The following FCHSD2 variants were observed in gnomAD, a reference collection of about 807,000 sequenced individuals.
The protein encoded by FCHSD2 is FCH and double SH3 domains 2.
Under a neutral mutation model 108.1 loss-of-function variants are expected in FCHSD2, and 38 were observed. The ratio of observed to expected loss-of-function variants is 0.35; its 90% CI spans 0.27 to 0.46. The LOEUF (loss-of-function observed/expected upper bound fraction) is 0.46. FCHSD2 is among the 20% of genes least tolerant of loss of function. The pLI, the probability that FCHSD2 is intolerant of heterozygous loss-of-function variation, is 1.00. For synonymous variants in FCHSD2, 279 were observed against 314.7 expected, an observed-to-expected ratio of 0.89 and a Z score of 1.20; for missense variants, 751 against 897.8, an observed-to-expected ratio of 0.84 and a Z score of 2.09.
chr11:73,061,460 G>A (rs532559076), intron 3 of FCHSD2, among the ~76,000 whole-genome samples: 3 of 152,284 alleles, frequency 2.0e-5, no homozygotes, highest in African/African-American at 7.2e-5. Flanking sequence ...GAGACAGAAC[G>A]ATTCACTTCC....
In FCHSD2 at chr11:73,001,049, T is replaced by C. The variant is rs758959599; in HGVS notation, c.328A>G (p.Asn110Asp). ...GTCCTTGCAGGCTCAGAAATGAAGT[T>C]TTTATAGTTTTCACATATATTCATC... ...SRMNICENYKNFISEPARTVR... is the reference protein window; with the variant it reads ...SRMNICENYKDFISEPARTVR... Residue 110 changes from asparagine to aspartate, a missense_variant, in exon 5 of 20, where the codon AAC becomes GAC. Asn to Asp is a conservative substitution (Grantham distance 23). Coordinates refer to ENST00000409418, the MANE Select transcript of FCHSD2 (RefSeq NM_014824.3). The C allele has an allele frequency of 1.2e-6, 2 of 1,612,820 alleles. No individual in the cohort carries two copies. Among genetic ancestry groups the C allele is most frequent in the African/African-American group, 2.7e-5 (2 of 74,886 alleles).
At chr11:72,969,370 C>T (rs1856968839) in intron 8 of FCHSD2, among the ~76,000 whole-genome samples, 1 of 152,184 alleles carries the variant, frequency 6.6e-6, no homozygotes, top group Non-Finnish European at 1.5e-5. Flanking sequence ...TGCAGAAAAG[C>T]TAGTTGGCAT....
chr11:73,097,203 C>T (rs1256639286), intron 2 of FCHSD2, among the ~76,000 whole-genome samples: 1 of 150,882 alleles, frequency 6.6e-6, no homozygotes, highest in African/African-American at 2.4e-5. Context: ...GGGGTTTCAC[C>T]ATGCTGCCCA....
At chr11:72,978,167 G>A (rs538371021) in intron 8 of FCHSD2, among the ~76,000 whole-genome samples, 4 of 152,004 alleles carry the variant, frequency 2.6e-5, no homozygotes, top group East Asian at 1.9e-4. Context: ...GTCATGGGGT[G>A]GGGGGAGCGG....
At chr11:73,102,529 T>C (rs1274671166) in intron 2 of FCHSD2, among the ~76,000 whole-genome samples, 7 of 152,210 alleles carry the variant, frequency 4.6e-5, no homozygotes, top group African/African-American at 1.7e-4. Flanking sequence ...CAAATTGCAG[T>C]TGTACTCTGC....
chr11:73,078,912 G>A (rs1342625838), intron 3 of FCHSD2, among the ~76,000 whole-genome samples: 1 of 151,958 alleles, frequency 6.6e-6, no homozygotes. Context: ...TAGAGATGGG[G>A]CCTCATTATG....
chr11:73,003,058 C>A (rs1481221171), intron 4 of FCHSD2, among the ~76,000 whole-genome samples: 2 of 152,068 alleles, frequency 1.3e-5, no homozygotes, highest in Admixed American at 6.5e-5. Context: ...AAGACAAATC[C>A]TTTCATTAAA....
chr11:73,045,272 G>A (rs1476507693), intron 3 of FCHSD2, among the ~76,000 whole-genome samples: 3 of 151,240 alleles, frequency 2.0e-5, no homozygotes, highest in African/African-American at 7.3e-5. Context: ...GAAACAACAG[G>A]TGCTGGAGAG....
intron 8 of FCHSD2, among the ~76,000 whole-genome samples, chr11:72,957,123 G>A (rs1423243099): frequency 6.0e-4 from 90 of 150,372 alleles, no homozygotes; most frequent in Admixed American, 9.9e-4. Flanking sequence ...ATGCTGGTGC[G>A]CTGCACCCAC....
chr11:72,864,460 C>T (rs773024204), intron 13 of FCHSD2, among the ~76,000 whole-genome samples: 5 of 152,066 alleles, frequency 3.3e-5, no homozygotes, highest in Non-Finnish European at 5.9e-5. Flanking sequence ...CAGGAGGATC[C>T]ATTGAGCCCC....
At chr11:72,976,330 C>G (rs2135389928) in intron 8 of FCHSD2, among the ~76,000 whole-genome samples, 1 of 152,248 alleles carries the variant, frequency 6.6e-6, no homozygotes, top group East Asian at 1.9e-4. Flanking sequence ...CTCACTTTGT[C>G]ACCCAGGCTG....
At chr11:72,876,541 T>C (rs886560122) in intron 12 of FCHSD2, among the ~76,000 whole-genome samples, 2 of 152,246 alleles carry the variant, frequency 1.3e-5, no homozygotes, top group African/African-American at 4.8e-5. Flanking sequence ...GAACTTACTA[T>C]GTATAATATC....
intron 3 of FCHSD2, among the ~76,000 whole-genome samples, chr11:73,035,179 T>C (rs544661598): frequency 7.4e-6 from 1 of 134,682 alleles, no homozygotes; most frequent in African/African-American, 2.7e-5. Flanking sequence ...TGTATGTATG[T>C]ATGTATGTAT....
intron 8 of FCHSD2, among the ~76,000 whole-genome samples, chr11:72,962,811 T>C (rs1394543723): frequency 6.6e-6 from 1 of 152,302 alleles, no homozygotes; most frequent in African/African-American, 2.4e-5. Flanking sequence ...CTATTTTTTT[T>C]AAGCAATTAG....
chr11:72,928,536 G>A (rs1406814946), intron 8 of FCHSD2, among the ~76,000 whole-genome samples: 2 of 151,990 alleles, frequency 1.3e-5, no homozygotes, highest in Non-Finnish European at 2.9e-5. Flanking sequence ...GTTAACACAG[G>A]CAACTGACAT....
At chr11:73,021,677 A>G (rs769429938) in intron 3 of FCHSD2, among the ~76,000 whole-genome samples, 1 of 152,176 alleles carries the variant, frequency 6.6e-6, no homozygotes, top group Non-Finnish European at 1.5e-5. Flanking sequence ...TTACCTATGT[A>G]ACAAACCTGT....
intron 3 of FCHSD2, among the ~76,000 whole-genome samples, chr11:73,045,883 A>G (rs558765297): frequency 6.6e-5 from 10 of 152,252 alleles, no homozygotes; most frequent in African/African-American, 2.4e-4. Context: ...TAACCTGCAC[A>G]ATGTGCACAT....
At chr11:73,020,119 C>G (rs1858066778) in intron 3 of FCHSD2, among the ~76,000 whole-genome samples, 2 of 152,188 alleles carry the variant, frequency 1.3e-5, no homozygotes, top group South Asian at 2.1e-4. Context: ...GCAATAACAT[C>G]CGATTCCAAC....
chr11:73,015,304 CAT>C (rs1477821667), intron 4 of FCHSD2, among the ~76,000 whole-genome samples: 1 of 152,158 alleles, frequency 6.6e-6, no homozygotes, highest in African/African-American at 2.4e-5. Flanking sequence ...AATACAAACA[CAT>C]ATATTTTTCT....
Sources: allele counts gnomAD v4.1 joint callset (sites outside exome capture counted in the v4.1 genomes callset), GRCh38; gene constraint gnomAD v4.1.1; transcripts MANE v1.5; gene names NCBI Gene and HGNC (gene_info 2026-07-23, HGNC 2026-07-21).